ASNSD1: variants seen among roughly 807,000 people sequenced by gnomAD.
ASNSD1 encodes the protein asparagine synthetase domain-containing protein 1.
In ASNSD1, 36 loss-of-function variants were observed where a neutral mutation model predicts 48.3. The ratio of observed to expected loss-of-function variants is 0.75; its 90% CI spans 0.57 to 0.99. ASNSD1 has a LOEUF of 0.99. ASNSD1 is among the 50% of genes least tolerant of loss of function. ASNSD1 has a pLI of 0.00. For missense variants in ASNSD1, 714 were observed against 758.2 expected, an observed-to-expected ratio of 0.94 and a Z score of 0.69; for synonymous variants, 257 against 262.1, an observed-to-expected ratio of 0.98 and a Z score of 0.19.
chr2:189,666,516 T>C lies in ASNSD1; in HGVS notation c.384T>C (p.Ser128=), dbSNP rs1217623976. ...PWSFIYYQAS[S]HYLWFGRDFF... is the part of the protein sequence containing the mutation. ...CATTTATATATTATCAAGCATCTAG[T>C]CATTATTTATGGTTTGGTAGGGATT... The change falls in exon 4 of 6, where the codon AGT becomes AGC. Residue 128 remains serine, a synonymous_variant. Coordinates refer to ENST00000260952, the MANE Select transcript of ASNSD1 (RefSeq NM_019048.4). 1 of 1,613,638 alleles carries C rather than the reference T, an allele frequency of 6.2e-7. No individual in the cohort carries two copies. Among genetic ancestry groups the C allele is most frequent in the South Asian group, 1.1e-5 (1 of 91,014 alleles).
chr2:189,667,994 A>G, intron 5 of ASNSD1, 49 bp downstream of exon 5: 4 of 1,539,272 alleles, frequency 2.6e-6, no homozygotes, highest in East Asian at 4.5e-5. Flanking sequence ...TAAAAACAGC[A>G]GAGTGTAAAT....
chr2:189,667,218 C>A lies in ASNSD1; in HGVS notation c.1086C>A (p.Thr362=). 6.2e-7 allele frequency: 1 copy of A among 1,614,062 alleles called. No individual in the cohort carries two copies. Among genetic ancestry groups the A allele is most frequent in the Non-Finnish European group, 8.5e-7 (1 of 1,180,000 alleles). ...LNVAFIAEEK[T]MPTTFNREGN... ...TAGCTTTCATAGCTGAAGAAAAGACCATGCCAACTACCTTTAACAGAGAAG... is the reference window on the plus strand; with the variant it reads ...TAGCTTTCATAGCTGAAGAAAAGACAATGCCAACTACCTTTAACAGAGAAG... The change falls in exon 4 of 6, where the codon ACC becomes ACA. Residue 362 remains threonine, a synonymous_variant. Coordinates refer to ENST00000260952, the MANE Select transcript of ASNSD1 (RefSeq NM_019048.4).
intron 5 of ASNSD1, among the ~76,000 whole-genome samples, chr2:189,669,376 C>T (rs1314328308): frequency 6.6e-6 from 1 of 152,176 alleles, no homozygotes; most frequent in East Asian, 1.9e-4. Context: ...AAAGCCCTTA[C>T]TTATGAAAGT....
rs2105687941 is a variant in ASNSD1, at chr2:189,667,459, A to G, written c.1327A>G (p.Thr443Ala). 6.2e-7 allele frequency: 1 copy of G among 1,614,136 alleles called. No individual in the cohort carries two copies. The highest frequency in any genetic ancestry group is 2.2e-5 in the East Asian group (1 of 44,874). The change falls in exon 4 of 6, where the codon ACT becomes GCT. Residue 443 changes from threonine (T) to alanine (A), a missense_variant. Coordinates refer to ENST00000260952, the MANE Select transcript of ASNSD1 (RefSeq NM_019048.4). ...SMEELQKLRR[T>A]RICHLIRPLD... is the part of the protein sequence containing the mutation. ...GGAAGAACTGCAGAAATTAAGAAGA[A>G]CTCGAATATGTCACTTAATTCGGCC...
intron 5 of ASNSD1, among the ~76,000 whole-genome samples, chr2:189,670,203 A>AG (rs2032897486): frequency 6.6e-6 from 1 of 152,032 alleles, no homozygotes; most frequent in Non-Finnish European, 1.5e-5. Context: ...AAAAAAAAAA[A>AG]AAAAATCATG....
Position 189,666,541 on chromosome 2 carries a change from T to G in ASNSD1, c.409T>G (p.Phe137Val), listed in dbSNP as rs745991037. 1 of 1,613,926 alleles carries G rather than the reference T, an allele frequency of 6.2e-7. No homozygotes were observed. The highest frequency in any genetic ancestry group is 8.5e-7 in the Non-Finnish European group (1 of 1,179,986). ...SSHYLWFGRD[F>V]FGRRSLLWHF... ...TCATTATTTATGGTTTGGTAGGGATTTTTTTGGTCGCCGTAGCTTGCTTTG... is the reference window on the plus strand; with the variant it reads ...TCATTATTTATGGTTTGGTAGGGATGTTTTTGGTCGCCGTAGCTTGCTTTG... Residue 137 changes from phenylalanine to valine, a missense_variant, in exon 4 of 6, where the codon TTT (phenylalanine) becomes GTT (valine). Physicochemically the swap from Phe to Val is conservative, Grantham distance 50. Transcript: ENST00000260952.
At chr2:189,662,286 G>A (rs1352250240) in intron 1 of ASNSD1, among the ~76,000 whole-genome samples, 2 of 152,196 alleles carry the variant, frequency 1.3e-5, no homozygotes, top group Non-Finnish European at 2.9e-5. Context: ...ATAAATGGGG[G>A]TGGCGAGGGT....
intron 3 of ASNSD1, 30 bp from the exon 4 acceptor site, chr2:189,666,011 T>C (rs980243756): frequency 1.8e-6 from 2 of 1,128,640 alleles, no homozygotes; most frequent in Non-Finnish European, 2.4e-6. Flanking sequence ...TTTTATGTTA[T>C]TTAATATTTA....
chr2:189,664,350 T>TC (rs2032739142), intron 2 of ASNSD1, among the ~76,000 whole-genome samples: 1 of 152,218 alleles, frequency 6.6e-6, no homozygotes, highest in Non-Finnish European at 1.5e-5. Flanking sequence ...ATACATTGCT[T>TC]CCCCTCCCTC....
intron 5 of ASNSD1, among the ~76,000 whole-genome samples, chr2:189,669,601 C>A (rs1457131258): frequency 6.6e-6 from 1 of 152,124 alleles, no homozygotes; most frequent in Non-Finnish European, 1.5e-5. Context: ...ATGTCTTTGT[C>A]CTTTCCAATC....
In ASNSD1 at chr2:189,666,338, G is replaced by A. The variant is rs779791970; in HGVS notation, c.206G>A (p.Arg69Lys). Reference protein sequence around the residue: ...VLTTQPVEDERGNVFLWNGEI... With the variant: ...VLTTQPVEDEKGNVFLWNGEI... ...ACTACCCAGCCTGTGGAAGATGAAAGAGGCAATGTGTTTCTATGGAATGGA... is the reference window on the plus strand; with the variant it reads ...ACTACCCAGCCTGTGGAAGATGAAAAAGGCAATGTGTTTCTATGGAATGGA... The change falls in exon 4 of 6, where the codon AGA (arginine) becomes AAA (lysine). Residue 69 changes from arginine (R) to lysine (K), a missense_variant. Arg to Lys is a conservative substitution (Grantham distance 26). Transcript: ENST00000260952. 8 of 1,613,694 alleles carry A rather than the reference G, an allele frequency of 5.0e-6. No individual in the cohort carries two copies. The highest frequency in any genetic ancestry group is 6.8e-6 in the Non-Finnish European group (8 of 1,179,828).
In ASNSD1 at chr2:189,667,947, T is replaced by C; in HGVS notation, c.1646+2T>C. On this transcript the variant is annotated splice_donor_variant, in intron 5 of 5. Coordinates refer to ENST00000260952, the MANE Select transcript of ASNSD1 (RefSeq NM_019048.4). LOFTEE classifies it high-confidence loss of function. The stretch of plus-strand genomic sequence containing the variant: ...TGGTGATCATGGAAAAGAAGCAAGG[T>C]AATTCTAATCATTTGAGTGTTCTTA... The C allele has an allele frequency of 6.2e-7, 1 of 1,605,978 alleles. No individual in the cohort carries two copies. The highest frequency in any genetic ancestry group is 8.5e-7 in the Non-Finnish European group (1 of 1,176,910).
Position 189,666,224 on chromosome 2 carries a change from G to A in ASNSD1, c.92G>A (p.Gly31Glu), listed in dbSNP as rs374873404. 3.1e-6 allele frequency: 5 copies of A among 1,613,840 alleles called. No homozygotes were observed. The African/African-American group carries it at 6.7e-5, about 22-fold the overall frequency. ...EDLLYNLKQR[G>E]PNSSKQLLKS... Reference sequence around the variant, plus strand: ...TTACTATATAATCTTAAACAGCGGGGACCCAATAGTAGTAAACAATTGTTA... The same window carrying A: ...TTACTATATAATCTTAAACAGCGGGAACCCAATAGTAGTAAACAATTGTTA... Residue 31 changes from glycine to glutamate, a missense_variant, in exon 4 of 6, where the codon GGA becomes GAA. Coordinates refer to ENST00000260952, the MANE Select transcript of ASNSD1 (RefSeq NM_019048.4).
chr2:189,664,625 T>C (rs1011123468), intron 2 of ASNSD1, among the ~76,000 whole-genome samples: 5 of 152,158 alleles, frequency 3.3e-5, no homozygotes, highest in African/African-American at 1.2e-4. Context: ...GGCGTGTGCC[T>C]GTAATCCCAG....
chr2:189,662,032 C>G (rs1156746521), intron 1 of ASNSD1, among the ~76,000 whole-genome samples: 1 of 152,168 alleles, frequency 6.6e-6, no homozygotes, highest in Non-Finnish European at 1.5e-5. Flanking sequence ...TCAAATATGT[C>G]CCTTTATCAC....
At chr2:189,667,636 C>T (rs1336854516) in intron 4 of ASNSD1, 40 bp downstream of exon 4, 2 of 1,551,572 alleles carry the variant, frequency 1.3e-6, no homozygotes, top group African/African-American at 2.8e-5. Flanking sequence ...TTCCTGAGAC[C>T]TATTTTTGAC....
Position 189,666,704 on chromosome 2 carries a change from G to A in ASNSD1, c.572G>A (p.Cys191Tyr), listed in dbSNP as rs748584822. ...CTTAAGTCTACTGTCATTTCCGGAT[G>A]CATTATTTTACAACTGTATCCTTGG... is the stretch of plus-strand genomic sequence containing the variant. ...IDLKSTVISG[C>Y]IILQLYPWKY... Residue 191 changes from cysteine to tyrosine, a missense_variant, in exon 4 of 6, where the codon TGC becomes TAC. By Grantham distance (194) the Cys-to-Tyr change is radical. Transcript: ENST00000260952. 3 of 1,612,088 alleles carry A rather than the reference G, an allele frequency of 1.9e-6. No individual in the cohort carries two copies. Among genetic ancestry groups the A allele is most frequent in the Admixed American group, 1.7e-5 (1 of 59,976 alleles).
Position 189,666,594 on chromosome 2 carries a change from C to G in ASNSD1, c.462C>G (p.Phe154Leu), listed in dbSNP as rs776248492. 2.5e-6 allele frequency: 4 copies of G among 1,614,002 alleles called. No individual in the cohort carries two copies. In the African/African-American group the frequency reaches 4.0e-5, roughly 16 times the overall value. The change falls in exon 4 of 6, where the codon TTC becomes TTG. Residue 154 changes from phenylalanine (F) to leucine (L), a missense_variant. Phe to Leu is a conservative substitution (Grantham distance 22). Transcript: ENST00000260952. ...LWHFSNLGKS[F>L]CLSSVGTQTS... is the part of the protein sequence containing the mutation. ...ATTTTAGTAATTTGGGCAAGAGTTT[C>G]TGCCTCTCTTCAGTTGGCACCCAAA...
rs757484556 is a variant in ASNSD1, at chr2:189,667,232, T to G, written c.1100T>G (p.Phe367Cys). 15 of 1,614,104 alleles carry G rather than the reference T, an allele frequency of 9.3e-6. No homozygotes were observed. The Admixed American group carries it at 2.5e-4, about 27-fold the overall frequency. ...IAEEKTMPTT[F>C]NREGNKQKNK... ...GAAGAAAAGACCATGCCAACTACCT[T>G]TAACAGAGAAGGGAATAAACAGAAA... The change falls in exon 4 of 6, where the codon TTT (phenylalanine) becomes TGT (cysteine). Residue 367 changes from phenylalanine (F) to cysteine (C), a missense_variant. By Grantham distance (205) the Phe-to-Cys change is radical. Transcript: ENST00000260952.
Sources: allele counts gnomAD v4.1 joint callset (sites outside exome capture counted in the v4.1 genomes callset), GRCh38; gene constraint gnomAD v4.1.1; transcripts MANE v1.5; gene names NCBI Gene and HGNC (gene_info 2026-07-23, HGNC 2026-07-21).